Variants in FASTKD1 observed in about 807,000 individuals in gnomAD.
FASTKD1 encodes FAST kinase domains 1.
Under a neutral mutation model 90.9 loss-of-function variants are expected in FASTKD1, and 94 were observed. That is an observed-to-expected ratio of 1.03 (90% CI 0.88 to 1.23). The LOEUF is 1.23. Ranked by LOEUF, FASTKD1 falls within the 50% of genes most tolerant of loss-of-function variation. FASTKD1 has a pLI of 0.00. For synonymous variants in FASTKD1, 319 were observed against 345.8 expected (o/e 0.92, Z 0.86); for missense variants, 945 against 993.5 (o/e 0.95, Z 0.66).
chr2:169,554,978 C>T (rs1049281484), intron 7 of FASTKD1, 146 bp downstream of exon 7: 11 of 688,348 alleles, frequency 1.6e-5, no homozygotes, highest in East Asian at 3.1e-5. Flanking sequence ...AGAATGGCCA[C>T]GGAGGGAGAT....
intron 13 of FASTKD1, 182 bp downstream of exon 13, chr2:169,531,170 T>C: frequency 1.3e-6 from 1 of 778,632 alleles, no homozygotes; most frequent in South Asian, 1.4e-5. Context: ...TGCTAGGCTT[T>C]GGACAGAAGA....
At chr2:169,558,511 G>A (rs562646350) in intron 5 of FASTKD1, among the ~76,000 whole-genome samples, 7 of 151,270 alleles carry the variant, frequency 4.6e-5, no homozygotes, top group African/African-American at 1.2e-4. Flanking sequence ...GTGCAATGGC[G>A]CAATCCTGGC....
chr2:169,557,413 T>C lies in FASTKD1; in HGVS notation c.972-116A>G, dbSNP rs1157175397. ...AAAAAAAATATAAACAAAAACTGAA[T>C]CCAATATATAATTCTAGTGTTCTCC... On this transcript the variant is annotated intron_variant, in intron 5 of 14. Coordinates refer to ENST00000453153, the MANE Select transcript of FASTKD1 (RefSeq NM_024622.6). The C allele has an allele frequency of 5.5e-6, 3 of 549,844 alleles. No homozygotes were observed. In the African/African-American group the frequency reaches 5.9e-5, roughly 11 times the overall value. The allele number at this position is 549,844 out of a possible 1,614,324, so 34.1% of individuals were successfully genotyped here.
At chr2:169,540,239 A>G in intron 9 of FASTKD1, 60 bp from the exon 10 acceptor site, 1 of 1,397,926 alleles carries the variant, frequency 7.2e-7, no homozygotes, top group Non-Finnish European at 9.6e-7. Flanking sequence ...ATACACTTAT[A>G]ATTTATTCAG....
At chr2:169,551,940 T>A (rs936804685) in intron 7 of FASTKD1, among the ~76,000 whole-genome samples, 1 of 152,180 alleles carries the variant, frequency 6.6e-6, no homozygotes, top group Non-Finnish European at 1.5e-5. Context: ...GTAGATTATA[T>A]TTCAATAAGT....
intron 7 of FASTKD1, among the ~76,000 whole-genome samples, chr2:169,553,437 T>C (rs1379675966): frequency 6.6e-6 from 1 of 152,096 alleles, no homozygotes; most frequent in Non-Finnish European, 1.5e-5. Flanking sequence ...CATCTTACCA[T>C]CTTAAGAAGA....
At chr2:169,549,728 A>G (rs1685407844) in intron 7 of FASTKD1, among the ~76,000 whole-genome samples, 2 of 152,160 alleles carry the variant, frequency 1.3e-5, no homozygotes, top group African/African-American at 4.8e-5. Flanking sequence ...CAGTCTCCCA[A>G]AGTCCTGGGA....
At chr2:169,560,081 T>C (rs1309016891) in intron 5 of FASTKD1, among the ~76,000 whole-genome samples, 1 of 152,160 alleles carries the variant, frequency 6.6e-6, no homozygotes, top group East Asian at 1.9e-4. Context: ...GGGGGAGTCT[T>C]ATATGTGTAA....
intron 12 of FASTKD1, among the ~76,000 whole-genome samples, chr2:169,533,362 A>G (rs572154007): frequency 2.0e-5 from 3 of 152,322 alleles, no homozygotes; most frequent in Non-Finnish European, 4.4e-5. Context: ...ACCATCTTTA[A>G]ATTAATTATG....
At chr2:169,564,904 T>A (rs1683882166) in intron 3 of FASTKD1, among the ~76,000 whole-genome samples, 1 of 152,110 alleles carries the variant, frequency 6.6e-6, no homozygotes, top group Non-Finnish European at 1.5e-5. Flanking sequence ...GGATATCATT[T>A]TTTTTACGGC....
At chr2:169,548,373 T>C (rs1472629990) in intron 7 of FASTKD1, among the ~76,000 whole-genome samples, 1 of 151,206 alleles carries the variant, frequency 6.6e-6, no homozygotes, top group Non-Finnish European at 1.5e-5. Flanking sequence ...CTCTACTTCA[T>C]TCCGAAATCC....
rs894001307 is a variant in FASTKD1 at position 169,548,453 on chromosome 2, C to T, written c.1215-1749G>A. 2.0e-5 allele frequency among the ~76,000 whole-genome samples: 3 copies of T among 151,098 alleles called. No individual in the cohort carries two copies. The South Asian group carries it at 6.3e-4, about 32-fold the overall frequency. On this transcript the variant is annotated intron_variant, in intron 7 of 14. Coordinates refer to ENST00000453153, the MANE Select transcript of FASTKD1 (RefSeq NM_024622.6). ...AAAAAAAAAATTGAAAAACTGGGGCCGGGCATGGTGGCTCACACCTTTAAT... is the reference window on the plus strand; with the variant it reads ...AAAAAAAAAATTGAAAAACTGGGGCTGGGCATGGTGGCTCACACCTTTAAT...
intron 4 of FASTKD1, among the ~76,000 whole-genome samples, chr2:169,562,112 A>T (rs189097810): frequency 8.2e-6 from 1 of 122,312 alleles, no homozygotes; most frequent in Non-Finnish European, 1.8e-5. Flanking sequence ...ATTATTTATT[A>T]ATTTATTGTA....
Position 169,540,126 on chromosome 2 carries a change from C to G in FASTKD1, c.1870G>C (p.Glu624Gln). The stretch of plus-strand genomic sequence containing the variant: ...TTTAGCAGATCTTCTGGAAAATATT[C>G]AAGTGTGGCCAAAGAGAAACCAAGA... ...VFLGFSLATL[E>Q]YFPEDLLKAI... Residue 624 changes from glutamate (E) to glutamine (Q), a missense_variant, in exon 10 of 15, where the codon GAA becomes CAA. Glu to Gln is a conservative substitution (Grantham distance 29). Transcript: ENST00000453153. 1 of 1,608,068 alleles carries G rather than the reference C, an allele frequency of 6.2e-7. No homozygotes were observed. Among genetic ancestry groups the G allele is most frequent in the Non-Finnish European group, 8.5e-7 (1 of 1,176,368 alleles).
At chr2:169,541,115 G>A (rs1684938327) in intron 9 of FASTKD1, among the ~76,000 whole-genome samples, 1 of 152,142 alleles carries the variant, frequency 6.6e-6, no homozygotes, top group South Asian at 2.1e-4. Flanking sequence ...GAAGTTAATA[G>A]TGATGATTTC....
At chr2:169,562,290 T>C (rs189949777) in intron 4 of FASTKD1, among the ~76,000 whole-genome samples, 2 of 152,028 alleles carry the variant, frequency 1.3e-5, no homozygotes, top group East Asian at 3.9e-4. Flanking sequence ...TGGAGTGCAG[T>C]GGCACAATCT....
chr2:169,537,415 G>A (rs2683423), intron 11 of FASTKD1, 75 bp from the exon 12 acceptor site: 399,599 of 1,009,140 alleles, frequency 0.4, 80,563 homozygotes, highest in Admixed American at 0.48. Flanking sequence ...CGGAGTTTTC[G>A]CTCTTGTTGC....
intron 5 of FASTKD1, among the ~76,000 whole-genome samples, chr2:169,558,976 C>CTT (rs754092407): frequency 1.5e-5 from 2 of 137,436 alleles, no homozygotes; most frequent in African/African-American, 2.7e-5. Flanking sequence ...ATTCAAAGTA[C>CTT]TTTTTTTTTT....
At chr2:169,547,762 G>A (rs1393324857) in intron 7 of FASTKD1, among the ~76,000 whole-genome samples, 1 of 151,576 alleles carries the variant, frequency 6.6e-6, no homozygotes, top group African/African-American at 2.4e-5. Context: ...ATGTGCACCT[G>A]TAATCCCAGC....
Sources: gnomAD v4.1 joint callset for allele counts (sites outside exome capture counted in the v4.1 genomes callset) on GRCh38, gnomAD v4.1.1 for gene constraint, MANE v1.5 for transcripts, NCBI Gene and HGNC (gene_info 2026-07-23, HGNC 2026-07-21) for gene names.